Variants in CCDC201 observed in about 807,000 individuals in gnomAD.
The protein encoded by CCDC201 is coiled-coil domain-containing protein 201.
chr7:45,870,637 T>C (rs1231680667), intron 1 of CCDC201, among the ~76,000 whole-genome samples: 1 of 152,200 alleles, frequency 6.6e-6, no homozygotes, highest in South Asian at 2.1e-4. Flanking sequence ...ATAGCTGTTA[T>C]GATTACAACA....
chr7:45,883,705 C>T, the CCDC201 span, among the ~76,000 whole-genome samples: 1 of 152,168 alleles, frequency 6.6e-6, no homozygotes, highest in African/African-American at 2.4e-5. Flanking sequence ...GTGGGCCATC[C>T]CATCTGAAGC....
At chr7:45,881,434 T>G in the CCDC201 span, among the ~76,000 whole-genome samples, 1 of 152,092 alleles carries the variant, frequency 6.6e-6, no homozygotes, top group Non-Finnish European at 1.5e-5. Flanking sequence ...TGCAACAGAT[T>G]CTCCTAGGCG....
At chr7:45,867,114 G>A (rs1265050132) in intron 1 of CCDC201, among the ~76,000 whole-genome samples, 1 of 152,126 alleles carries the variant, frequency 6.6e-6, no homozygotes, top group Non-Finnish European at 1.5e-5. Context: ...ACTATACCCG[G>A]CAAGCACATT....
upstream of CCDC201, among the ~76,000 whole-genome samples, chr7:45,877,814 T>C (rs1786832669): frequency 6.6e-6 from 1 of 152,184 alleles, no homozygotes; most frequent in African/African-American, 2.4e-5. Flanking sequence ...CCTTCTCACA[T>C]TGCAAAATAC....
chr7:45,873,384 G>GAA (rs11377263), upstream of CCDC201, among the ~76,000 whole-genome samples: 821 of 144,214 alleles, frequency 5.7e-3, 4 homozygotes, highest in African/African-American at 0.014. Flanking sequence ...AAGGCAACTG[G>GAA]AAAAAAAAAA....
chr7:45,878,177 G>T, the CCDC201 span, among the ~76,000 whole-genome samples: 1 of 152,212 alleles, frequency 6.6e-6, no homozygotes, highest in Non-Finnish European at 1.5e-5. Flanking sequence ...GGACTGCAGG[G>T]TTCAGCCCCA....
At chr7:45,871,226 G>C (rs1252974108) in intron 1 of CCDC201, among the ~76,000 whole-genome samples, 1 of 152,142 alleles carries the variant, frequency 6.6e-6, no homozygotes, top group African/African-American at 2.4e-5. Context: ...AGAAGAATGT[G>C]TTTTTGTTCT....
the CCDC201 span, among the ~76,000 whole-genome samples, chr7:45,880,177 A>G: frequency 6.6e-6 from 1 of 152,174 alleles, no homozygotes; most frequent in Non-Finnish European, 1.5e-5. Context: ...ATACTCTCAT[A>G]CATTGTTGTT....
At chr7:45,882,534 A>G in the CCDC201 span, among the ~76,000 whole-genome samples, 5 of 152,138 alleles carry the variant, frequency 3.3e-5, no homozygotes, top group Non-Finnish European at 5.9e-5. Context: ...GGCTAACACA[A>G]TTGTCAGAGT....
the CCDC201 span, among the ~76,000 whole-genome samples, chr7:45,880,804 G>A: frequency 6.6e-6 from 1 of 152,298 alleles, no homozygotes; most frequent in East Asian, 1.9e-4. Context: ...GGGGACCTGA[G>A]GACAGTAATT....
At chr7:45,872,655 C>T (rs1024349444) in intron 1 of CCDC201, among the ~76,000 whole-genome samples, 4 of 152,154 alleles carry the variant, frequency 2.6e-5, no homozygotes, top group Non-Finnish European at 5.9e-5. Context: ...GGGCCTGGGA[C>T]ACACCTGGGG....
At chr7:45,865,338 C>T (rs1258468297) in intron 2 of CCDC201, among the ~76,000 whole-genome samples, 3 of 152,208 alleles carry the variant, frequency 2.0e-5, no homozygotes, top group Non-Finnish European at 4.4e-5. Context: ...AGGTCTGAGA[C>T]AGTGTGTGCC....
At chr7:45,874,510 C>T (rs1486353070), upstream of CCDC201, among the ~76,000 whole-genome samples, 2 of 152,218 alleles carry the variant, frequency 1.3e-5, no homozygotes, top group East Asian at 1.9e-4. Context: ...TGAGGAGGCA[C>T]GGCTGCAGAG....
At chr7:45,872,758 C>T (rs578093069) in intron 1 of CCDC201, among the ~76,000 whole-genome samples, 4 of 152,308 alleles carry the variant, frequency 2.6e-5, no homozygotes, top group South Asian at 4.1e-4. Flanking sequence ...AGAGGAGACT[C>T]TGGGCAAGGC....
chr7:45,870,571 C>T (rs1158501442), intron 1 of CCDC201, among the ~76,000 whole-genome samples: 2 of 152,124 alleles, frequency 1.3e-5, no homozygotes, highest in Non-Finnish European at 2.9e-5. Context: ...TGGCAAAATA[C>T]ATGAAACAAG....
At chr7:45,884,316 T>C in the CCDC201 span, among the ~76,000 whole-genome samples, 6 of 152,142 alleles carry the variant, frequency 3.9e-5, no homozygotes, top group South Asian at 1.2e-3. Flanking sequence ...CCCAGGCTGG[T>C]CTCAAATCCT....
chr7:45,870,687 A>G (rs1786733851), intron 1 of CCDC201, among the ~76,000 whole-genome samples: 2 of 152,204 alleles, frequency 1.3e-5, no homozygotes, highest in East Asian at 1.9e-4. Flanking sequence ...AACTCCTAGG[A>G]AAAAAATACA....
At chr7:45,876,162 C>A (rs776784231), upstream of CCDC201, among the ~76,000 whole-genome samples, 3 of 152,152 alleles carry the variant, frequency 2.0e-5, no homozygotes, top group Non-Finnish European at 4.4e-5. Context: ...AGAGAGCCAT[C>A]AGGGTGAGGC....
chr7:45,880,555 G>A, the CCDC201 span, among the ~76,000 whole-genome samples: 2 of 151,946 alleles, frequency 1.3e-5, no homozygotes, highest in African/African-American at 4.8e-5. Context: ...CACACTGTAT[G>A]CAGGTGACAG....
Sources: allele counts gnomAD v4.1 joint callset (sites outside exome capture counted in the v4.1 genomes callset), GRCh38; gene constraint gnomAD v4.1.1; transcripts MANE v1.5; gene names NCBI Gene and HGNC (gene_info 2026-07-23, HGNC 2026-07-21).